The following UBE2E2 variants were observed in gnomAD, a reference collection of about 807,000 sequenced individuals.
UBE2E2 encodes the protein ubiquitin conjugating enzyme E2 E2.
A neutral mutation model predicts 24.7 loss-of-function variants in UBE2E2; 6 were observed. The observed-to-expected ratio is 0.24, with a 90% confidence interval of 0.13 to 0.48. The LOEUF (loss-of-function observed/expected upper bound fraction) is 0.48. Ranked by LOEUF, UBE2E2 falls within the 20% of genes least tolerant of loss-of-function variation. UBE2E2 has a pLI of 0.99. For synonymous variants in UBE2E2, 104 were observed against 83.6 expected (o/e 1.24, Z -1.33); for missense variants, 169 against 245.0 (o/e 0.69, Z 2.07).
Position 23,589,048 on chromosome 3 carries a change from C to T in UBE2E2, c.509-686C>T, listed in dbSNP as rs538762662. On this transcript the variant is annotated intron_variant, in intron 5 of 5. Coordinates refer to ENST00000396703, the MANE Select transcript of UBE2E2 (RefSeq NM_152653.4). The surrounding 1 kb of genome is among the most constrained non-coding windows in gnomAD (Gnocchi z 4.1). ...GCCTAGGGTAAGGAGTTGTCCAGAC[C>T]GCCAAACGTCTTCCCAGGAGAGCTC... Among the ~76,000 whole-genome samples, 39 of 152,088 alleles carry T rather than the reference C, an allele frequency of 2.6e-4. No individual in the cohort carries two copies. Among genetic ancestry groups the T allele is most frequent in the African/African-American group, 7.7e-4 (32 of 41,472 alleles).
chr3:23,257,934 A>G (rs1487551238), intron 3 of UBE2E2, among the ~76,000 whole-genome samples: 6 of 152,046 alleles, frequency 3.9e-5, no homozygotes, highest in Admixed American at 6.5e-5. Context: ...TCTTTCGTCT[A>G]TTCCTCTACT....
At chr3:23,229,825 C>G (rs901745886) in intron 3 of UBE2E2, among the ~76,000 whole-genome samples, 3 of 152,170 alleles carry the variant, frequency 2.0e-5, no homozygotes, top group African/African-American at 7.2e-5. Flanking sequence ...ACTAGTGCAA[C>G]TAAATAACTG....
At chr3:23,574,639 C>T (rs1313673993) in intron 5 of UBE2E2, among the ~76,000 whole-genome samples, 1 of 152,050 alleles carries the variant, frequency 6.6e-6, no homozygotes, top group African/African-American at 2.4e-5. Context: ...ATTGCTTGAG[C>T]CAAGGAGTTT....
chr3:23,401,149 T>C (rs1368824537), intron 3 of UBE2E2, among the ~76,000 whole-genome samples: 1 of 152,184 alleles, frequency 6.6e-6, no homozygotes, highest in Non-Finnish European at 1.5e-5. Flanking sequence ...CATTCTAGGC[T>C]AAGGAACCAG....
At chr3:23,332,746 T>C (rs1695099364) in intron 3 of UBE2E2, among the ~76,000 whole-genome samples, 1 of 150,438 alleles carries the variant, frequency 6.6e-6, no homozygotes, top group Non-Finnish European at 1.5e-5. Context: ...TCTAGGAAAT[T>C]TATCAGGTGA....
intron 3 of UBE2E2, among the ~76,000 whole-genome samples, chr3:23,443,374 A>T (rs1698348306): frequency 6.6e-6 from 1 of 152,236 alleles, no homozygotes; most frequent in Non-Finnish European, 1.5e-5. Flanking sequence ...ATGGTTTGGT[A>T]GGGGTGGAGA....
chr3:23,262,063 C>G (rs1037147439), intron 3 of UBE2E2, among the ~76,000 whole-genome samples: 3 of 152,136 alleles, frequency 2.0e-5, no homozygotes, highest in African/African-American at 4.8e-5. Context: ...TCCTTAGTGG[C>G]TCTACCAGTT....
chr3:23,290,572 C>T (rs1433235394), intron 3 of UBE2E2, among the ~76,000 whole-genome samples: 2 of 152,038 alleles, frequency 1.3e-5, no homozygotes, highest in African/African-American at 4.8e-5. Flanking sequence ...CCCACTTCAG[C>T]TTCCTGAGTA....
At chr3:23,388,110 C>G (rs1696847724) in intron 3 of UBE2E2, among the ~76,000 whole-genome samples, 1 of 152,140 alleles carries the variant, frequency 6.6e-6, no homozygotes, top group Non-Finnish European at 1.5e-5. Flanking sequence ...AGAAAAATTA[C>G]CAAACCTTTT....
chr3:23,277,438 A>T (rs1698396527), intron 3 of UBE2E2, among the ~76,000 whole-genome samples: 1 of 152,150 alleles, frequency 6.6e-6, no homozygotes, highest in Non-Finnish European at 1.5e-5. Context: ...TTGTATCTAC[A>T]TACTGTGTTT....
intron 3 of UBE2E2, among the ~76,000 whole-genome samples, chr3:23,270,174 G>A (rs1378239993): frequency 1.7e-5 from 1 of 59,108 alleles, no homozygotes; most frequent in African/African-American, 6.4e-5. Flanking sequence ...TTTTTTTTTT[G>A]CCTCTCCAGT....
chr3:23,442,973 T>C (rs888502267), intron 3 of UBE2E2, among the ~76,000 whole-genome samples: 1 of 152,234 alleles, frequency 6.6e-6, no homozygotes, highest in Non-Finnish European at 1.5e-5. Context: ...ATTAACAGCT[T>C]GTATATTAGA....
At chr3:23,311,359 T>A (rs1209421838) in intron 3 of UBE2E2, among the ~76,000 whole-genome samples, 1 of 152,234 alleles carries the variant, frequency 6.6e-6, no homozygotes, top group African/African-American at 2.4e-5. Context: ...TTATAATCCT[T>A]TGGGTATATA....
intron 4 of UBE2E2, among the ~76,000 whole-genome samples, chr3:23,526,559 A>G (rs1215509629): frequency 1.3e-5 from 2 of 152,180 alleles, no homozygotes; most frequent in South Asian, 2.1e-4. Flanking sequence ...TGATTTCATG[A>G]GGAGGTCCTA....
chr3:23,462,894 C>G (rs139039810), intron 3 of UBE2E2, among the ~76,000 whole-genome samples: 1 of 152,062 alleles, frequency 6.6e-6, no homozygotes, highest in Admixed American at 6.6e-5. Flanking sequence ...CCTTAGTTTC[C>G]TTGTCTGTAA....
chr3:23,243,449 A>G (rs1271897835), intron 3 of UBE2E2, among the ~76,000 whole-genome samples: 1 of 152,124 alleles, frequency 6.6e-6, no homozygotes, highest in East Asian at 1.9e-4. Flanking sequence ...CCTTTACCCT[A>G]CATTTTATGG....
intron 3 of UBE2E2, among the ~76,000 whole-genome samples, chr3:23,382,515 A>G (rs779061740): frequency 5.9e-5 from 9 of 152,188 alleles, no homozygotes; most frequent in African/African-American, 9.7e-5. Context: ...GTTTTACTAT[A>G]TGAGCGTATT....
intron 3 of UBE2E2, among the ~76,000 whole-genome samples, chr3:23,428,928 TAAAAAA>T (rs34525850): frequency 2.6e-5 from 2 of 75,886 alleles, no homozygotes; most frequent in African/African-American, 5.5e-5. Context: ...CTCTGTCTCT[TAAAAAA>T]AAAAAAAAAA....
chr3:23,256,111 T>C (rs1346093538), intron 3 of UBE2E2, among the ~76,000 whole-genome samples: 1 of 152,242 alleles, frequency 6.6e-6, no homozygotes, highest in Non-Finnish European at 1.5e-5. Context: ...TCTGTTTTCC[T>C]GCTCTTTAGA....
Sources: allele counts gnomAD v4.1 joint callset (sites outside exome capture counted in the v4.1 genomes callset), GRCh38; gene constraint gnomAD v4.1.1; non-coding constraint Gnocchi (gnomAD v3.1); transcripts MANE v1.5; gene names NCBI Gene and HGNC (gene_info 2026-07-23, HGNC 2026-07-21).